Variants in KIRREL3 observed in about 807,000 individuals in gnomAD.
The protein encoded by KIRREL3 is kirre like nephrin family adhesion molecule 3, also known as kin of IRRE-like protein 3.
In KIRREL3, 36 loss-of-function variants were observed where a neutral mutation model predicts 89.7. The observed-to-expected ratio is 0.40, with a 90% confidence interval of 0.31 to 0.53. The LOEUF (loss-of-function observed/expected upper bound fraction) is 0.53. KIRREL3 is among the 20% of genes least tolerant of loss of function. The pLI, the probability that KIRREL3 is intolerant of heterozygous loss-of-function variation, is 0.49. For missense variants in KIRREL3, 864 were observed against 1,056.6 expected (o/e 0.82, Z 2.53); for synonymous variants, 445 against 441.4 (o/e 1.01, Z -0.10).
chr11:126,481,361 C>T (rs1026570246), intron 4 of KIRREL3, among the ~76,000 whole-genome samples: 1 of 152,152 alleles, frequency 6.6e-6, no homozygotes, highest in Non-Finnish European at 1.5e-5. Context: ...AATGGAAAAC[C>T]TTCACTTTTC....
chr11:126,792,968 TG>T (rs1950692971), intron 1 of KIRREL3, among the ~76,000 whole-genome samples: 1 of 152,218 alleles, frequency 6.6e-6, no homozygotes, highest in South Asian at 2.1e-4. Flanking sequence ...GTTCTTCTAT[TG>T]GGGGGTTCAC....
rs1339520413 is a variant in KIRREL3, at chr11:126,606,052, A to C, written c.56-43140T>G. 2.0e-5 allele frequency among the ~76,000 whole-genome samples: 3 copies of C among 152,162 alleles called. No homozygotes were observed. The highest frequency in any genetic ancestry group is 2.4e-5 in the African/African-American group (1 of 41,440). On this transcript the variant is annotated intron_variant, in intron 1 of 16. Coordinates refer to ENST00000525144, the MANE Select transcript of KIRREL3 (RefSeq NM_032531.4). The surrounding 1 kb of genome is among the most constrained non-coding windows in gnomAD (Gnocchi z 4.6). ...TGACCACTCATTATCTCTGTAACTA[A>C]GTCAATTATTCAATCTCCCTGAGCC...
intron 4 of KIRREL3, among the ~76,000 whole-genome samples, chr11:126,494,634 T>C (rs2134347401): frequency 6.6e-6 from 1 of 152,374 alleles, no homozygotes; most frequent in East Asian, 1.9e-4. Flanking sequence ...GAATGATGCC[T>C]CACTCTGAAC....
At chr11:126,914,326 C>T (rs922426599) in intron 1 of KIRREL3, among the ~76,000 whole-genome samples, 1 of 152,212 alleles carries the variant, frequency 6.6e-6, no homozygotes, top group Non-Finnish European at 1.5e-5. Flanking sequence ...CAAAGCAATA[C>T]TCTATTCCCA....
Position 126,892,434 on chromosome 11 carries a change from C to A in KIRREL3, c.55+108021G>T, listed in dbSNP as rs1205183029. On this transcript the variant is annotated intron_variant, in intron 1 of 16. Coordinates refer to ENST00000525144, the MANE Select transcript of KIRREL3 (RefSeq NM_032531.4). This position sits in a 1 kb window ranked among gnomAD's most constrained non-coding sequence, Gnocchi z 5.4. ...CCATTTAGGATATGCTCAGGAGGGG[C>A]CCTGGGAGAGGCACAAGTGGCAGCT... Among the ~76,000 whole-genome samples the A allele has an allele frequency of 6.6e-6, 1 of 152,056 alleles. No homozygotes were observed. Among genetic ancestry groups the A allele is most frequent in the Non-Finnish European group, 1.5e-5 (1 of 68,008 alleles).
rs558118957 is a variant in KIRREL3, at chr11:126,469,919, C to T, written c.591+3390G>A. Among the ~76,000 whole-genome samples, 20 of 152,340 alleles carry T rather than the reference C, an allele frequency of 1.3e-4. No individual in the cohort carries two copies. The East Asian group carries it at 2.3e-3, about 18-fold the overall frequency. On this transcript the variant is annotated intron_variant, in intron 5 of 16. Coordinates refer to ENST00000525144, the MANE Select transcript of KIRREL3 (RefSeq NM_032531.4). ...TGATCCAACACCTTCATTTTGCAGA[C>T]GAGGAAACAGATGCCCAGGGAGTGA...
chr11:126,649,181 T>C (rs1944812434), intron 1 of KIRREL3, among the ~76,000 whole-genome samples: 1 of 152,128 alleles, frequency 6.6e-6, no homozygotes, highest in Non-Finnish European at 1.5e-5. Context: ...TCCTATTGGG[T>C]CCCTCCCACA....
chr11:126,692,539 T>C (rs1221975439), intron 1 of KIRREL3, among the ~76,000 whole-genome samples: 1 of 73,874 alleles, frequency 1.4e-5, no homozygotes, highest in Non-Finnish European at 2.4e-5. Context: ...ACCAAGACTC[T>C]GTCTCAAAAA....
intron 6 of KIRREL3, among the ~76,000 whole-genome samples, chr11:126,457,090 C>G (rs1010040872): frequency 6.6e-6 from 1 of 151,620 alleles, no homozygotes; most frequent in African/African-American, 2.4e-5. Context: ...GAGACAAGAA[C>G]CAGAGACACA....
At position 126,965,525 on chromosome 11, in the gene KIRREL3, A is replaced by G. The variant is rs113446522; in HGVS notation, c.55+34930T>C. On this transcript the variant is annotated intron_variant, in intron 1 of 16. Coordinates refer to ENST00000525144, the MANE Select transcript of KIRREL3 (RefSeq NM_032531.4). The surrounding 1 kb of genome is among the most constrained non-coding windows in gnomAD (Gnocchi z 4.4). The stretch of plus-strand genomic sequence containing the variant: ...TGAGAAACCAGTATCCTGGAACCCT[A>G]TTGTGAAAGACTAACACGTGCGTCA... 1.3e-3 allele frequency among the ~76,000 whole-genome samples: 204 copies of G among 152,258 alleles called. 2 individuals are homozygous for G. Among genetic ancestry groups the G allele is most frequent in the African/African-American group, 4.5e-3 (189 of 41,562 alleles).
intron 7 of KIRREL3, among the ~76,000 whole-genome samples, chr11:126,451,415 TGC>T (rs1956151199): frequency 6.7e-6 from 1 of 149,620 alleles, no homozygotes; most frequent in Non-Finnish European, 1.5e-5. Context: ...TGCATGTGTG[TGC>T]ATGTGTGAGC....
chr11:126,910,106 T>A (rs1946756299), intron 1 of KIRREL3, among the ~76,000 whole-genome samples: 1 of 152,144 alleles, frequency 6.6e-6, no homozygotes, highest in Non-Finnish European at 1.5e-5. Context: ...CAGCTATTTT[T>A]TTCTTTACAG....
In KIRREL3 at chr11:126,627,739, G is replaced by A. The variant is rs1015033181; in HGVS notation, c.56-64827C>T. On this transcript the variant is annotated intron_variant, in intron 1 of 16. Transcript: ENST00000525144. The surrounding 1 kb of genome is among the most constrained non-coding windows in gnomAD (Gnocchi z 5.0). The stretch of plus-strand genomic sequence containing the variant: ...CATTGGCGGCAGGAGGGAGGGAGAA[G>A]AATGTTCTTTATGGGGGGTGTTGGC... 1.3e-5 allele frequency among the ~76,000 whole-genome samples: 2 copies of A among 152,200 alleles called. No individual in the cohort carries two copies. Among genetic ancestry groups the A allele is most frequent in the Non-Finnish European group, 2.9e-5 (2 of 68,040 alleles).
rs533658427 is a variant in KIRREL3 at position 126,926,848 on chromosome 11, T to G, written c.55+73607A>C. On this transcript the variant is annotated intron_variant, in intron 1 of 16. Transcript: ENST00000525144. ...CAGAAGTTTTTCTAATCGCTATGGA[T>G]TTTTCCCCCATTTTAGTGGATTTGA... Among the ~76,000 whole-genome samples the G allele has an allele frequency of 6.5e-4, 99 of 152,242 alleles. 1 individual carries two copies. In the South Asian group the frequency reaches 0.01, roughly 16 times the overall value.
At chr11:126,701,904 C>G (rs569403060) in intron 1 of KIRREL3, among the ~76,000 whole-genome samples, 1 of 152,274 alleles carries the variant, frequency 6.6e-6, no homozygotes, top group Non-Finnish European at 1.5e-5. Flanking sequence ...TCTTTAGGTG[C>G]TAGTCAAGTC....
intron 1 of KIRREL3, among the ~76,000 whole-genome samples, chr11:126,691,560 A>G (rs1323238940): frequency 1.3e-5 from 2 of 152,366 alleles, no homozygotes; most frequent in East Asian, 3.9e-4. Flanking sequence ...TACCCTTTGT[A>G]GACGGTTAAA....
chr11:126,506,275 A>C (rs947900920), intron 4 of KIRREL3, among the ~76,000 whole-genome samples: 1 of 152,238 alleles, frequency 6.6e-6, no homozygotes, highest in Admixed American at 6.5e-5. Flanking sequence ...TAAAATTAAA[A>C]GTTTTTGTGC....
In KIRREL3 at chr11:126,705,660, G is replaced by A. The variant is rs573204002; in HGVS notation, c.56-142748C>T. 2.2e-4 allele frequency among the ~76,000 whole-genome samples: 34 copies of A among 152,250 alleles called. No individual in the cohort carries two copies. The South Asian group carries it at 6.8e-3, about 31-fold the overall frequency. On this transcript the variant is annotated intron_variant, in intron 1 of 16. Coordinates refer to ENST00000525144, the MANE Select transcript of KIRREL3 (RefSeq NM_032531.4). The surrounding 1 kb of genome is among the most constrained non-coding windows in gnomAD (Gnocchi z 4.3). ...GTAAGAATGGTCTAACACTACGTAT[G>A]TGCAAGTGTATATGTATATGTAATG...
rs752085055 is a variant in KIRREL3, at chr11:126,627,123, G to A, written c.56-64211C>T. Among the ~76,000 whole-genome samples, 10 of 152,302 alleles carry A rather than the reference G, an allele frequency of 6.6e-5. No homozygotes were observed. The South Asian group carries it at 1.2e-3, about 19-fold the overall frequency. ...AATGAGGCAGAGCTCTATAAAGGCA[G>A]TACTAGAGTGGAATCTTTCATTTTT... On this transcript the variant is annotated intron_variant, in intron 1 of 16. Transcript: ENST00000525144. This position sits in a 1 kb window ranked among gnomAD's most constrained non-coding sequence, Gnocchi z 5.0.
Sources: allele counts gnomAD v4.1 joint callset (sites outside exome capture counted in the v4.1 genomes callset), GRCh38; gene constraint gnomAD v4.1.1; non-coding constraint Gnocchi (gnomAD v3.1); transcripts MANE v1.5; gene names NCBI Gene and HGNC (gene_info 2026-07-23, HGNC 2026-07-21).